The following PTPRG variants were observed in gnomAD, a reference collection of about 807,000 sequenced individuals.
The protein encoded by PTPRG is protein tyrosine phosphatase receptor type G.
Under a neutral mutation model 165.3 loss-of-function variants are expected in PTPRG, and 102 were observed. That is an observed-to-expected ratio of 0.62 (90% CI 0.53 to 0.73). The LOEUF is 0.73. PTPRG is among the 30% of genes least tolerant of loss of function. The pLI is 0.00. For synonymous variants in PTPRG, 675 were observed against 669.5 expected, an observed-to-expected ratio of 1.01 and a Z score of -0.13; for missense variants, 1,866 against 1,861.4, an observed-to-expected ratio of 1.00 and a Z score of -0.05.
intron 2 of PTPRG, among the ~76,000 whole-genome samples, chr3:61,966,383 G>C (rs751590500): frequency 5.3e-5 from 8 of 152,172 alleles, no homozygotes; most frequent in African/African-American, 9.7e-5. Context: ...GATGAGTGGG[G>C]AATGGGGAAT....
At chr3:61,749,355 A>C (rs572589475) in intron 2 of PTPRG, 1 of 352,194 alleles carries the variant, frequency 2.8e-6, no homozygotes, top group South Asian at 2.2e-5. Flanking sequence ...AATGTCTGCT[A>C]AACATTACAA....
At chr3:62,216,167 G>C (rs970192623) in intron 12 of PTPRG, among the ~76,000 whole-genome samples, 1 of 150,646 alleles carries the variant, frequency 6.6e-6, no homozygotes, top group Non-Finnish European at 1.5e-5. Flanking sequence ...GCAGTGAGCC[G>C]AGATCATGCA....
chr3:61,759,924 G>A (rs934255446), intron 2 of PTPRG, among the ~76,000 whole-genome samples: 3 of 151,878 alleles, frequency 2.0e-5, no homozygotes, highest in African/African-American at 4.8e-5. Flanking sequence ...TGCTGGGAGA[G>A]TATCTTAGAA....
At chr3:61,986,666 T>A (rs1297502229) in intron 2 of PTPRG, among the ~76,000 whole-genome samples, 4 of 152,136 alleles carry the variant, frequency 2.6e-5, no homozygotes, top group African/African-American at 9.7e-5. Flanking sequence ...CCTTACCTCT[T>A]CCCTTTTGAG....
At chr3:61,646,633 A>G (rs904834529) in intron 1 of PTPRG, among the ~76,000 whole-genome samples, 7 of 152,244 alleles carry the variant, frequency 4.6e-5, no homozygotes, top group African/African-American at 7.2e-5. Flanking sequence ...TCACCAGTTT[A>G]ACATGCACTT....
chr3:61,995,872 C>T (rs1187036286), intron 3 of PTPRG, among the ~76,000 whole-genome samples: 3 of 151,858 alleles, frequency 2.0e-5, no homozygotes, highest in African/African-American at 7.3e-5. Flanking sequence ...TCTTTGTATT[C>T]TGTTGGACTC....
At chr3:62,196,370 T>G (rs531289390) in intron 10 of PTPRG, among the ~76,000 whole-genome samples, 11 of 152,150 alleles carry the variant, frequency 7.2e-5, no homozygotes, top group African/African-American at 2.4e-4. Flanking sequence ...GCCACTGCAC[T>G]CCAGGCTGGG....
At chr3:61,916,572 A>C (rs2038941244) in intron 2 of PTPRG, among the ~76,000 whole-genome samples, 1 of 152,188 alleles carries the variant, frequency 6.6e-6, no homozygotes, top group Non-Finnish European at 1.5e-5. Flanking sequence ...TTAGATTAAA[A>C]ATGGAGTTTC....
chr3:62,084,236 A>G (rs1464548972), intron 5 of PTPRG, among the ~76,000 whole-genome samples: 1 of 152,210 alleles, frequency 6.6e-6, no homozygotes, highest in Non-Finnish European at 1.5e-5. Context: ...GAAGTAATTG[A>G]ATTGCATCTG....
chr3:61,706,598 A>G (rs2031271702), intron 1 of PTPRG, among the ~76,000 whole-genome samples: 1 of 150,908 alleles, frequency 6.6e-6, no homozygotes, highest in Admixed American at 6.6e-5. Context: ...GGTTCAAGCG[A>G]TTCTCTTGCC....
chr3:61,912,810 AT>A (rs1184763202), intron 2 of PTPRG, among the ~76,000 whole-genome samples: 4 of 152,124 alleles, frequency 2.6e-5, no homozygotes, highest in African/African-American at 9.7e-5. Flanking sequence ...TGATGTGGGT[AT>A]TTTAGTTTAC....
chr3:61,865,874 CTG>C (rs2037391975), intron 2 of PTPRG, among the ~76,000 whole-genome samples: 4 of 152,190 alleles, frequency 2.6e-5, no homozygotes, highest in African/African-American at 9.7e-5. Flanking sequence ...CTAGAAAATG[CTG>C]AGATTCAGCA....
rs566401309 is a variant in PTPRG at position 62,130,054 on chromosome 3, G to A, written c.616-2548G>A. On this transcript the variant is annotated intron_variant, in intron 5 of 29. Coordinates refer to ENST00000474889, the MANE Select transcript of PTPRG (RefSeq NM_002841.4). ...TTTTGCTGTGTACCAAATGATTCCA[G>A]TTAGTTAAAACAGATCGTTTTATGG... Among the ~76,000 whole-genome samples, 82 of 152,304 alleles carry A rather than the reference G, an allele frequency of 5.4e-4. 1 individual carries two copies. Among genetic ancestry groups the A allele is most frequent in the Non-Finnish European group, 1.5e-5 (1 of 68,030 alleles).
intron 2 of PTPRG, among the ~76,000 whole-genome samples, chr3:61,933,832 C>T (rs2039420369): frequency 6.6e-6 from 1 of 152,122 alleles, no homozygotes; most frequent in Non-Finnish European, 1.5e-5. Flanking sequence ...TTTTTTCTTT[C>T]TTTGGCATTT....
chr3:61,812,908 T>C lies in PTPRG; in HGVS notation c.190+63926T>C, dbSNP rs528261939. Among the ~76,000 whole-genome samples the C allele has an allele frequency of 7.9e-5, 12 of 152,388 alleles. No homozygotes were observed. In the South Asian group the frequency reaches 1.0e-3, roughly 13 times the overall value. Reference sequence around the variant, plus strand: ...GTTTAGGATGCTAGGTTCATCTAAATGTGCATAACTACTTTTAGGGTCTTA... The same window carrying C: ...GTTTAGGATGCTAGGTTCATCTAAACGTGCATAACTACTTTTAGGGTCTTA... On this transcript the variant is annotated intron_variant, in intron 2 of 29. Coordinates refer to ENST00000474889, the MANE Select transcript of PTPRG (RefSeq NM_002841.4).
At chr3:61,976,262 AG>A (rs2107670071) in intron 2 of PTPRG, among the ~76,000 whole-genome samples, 1 of 152,352 alleles carries the variant, frequency 6.6e-6, no homozygotes, top group African/African-American at 2.4e-5. Context: ...TTCTATCTTT[AG>A]CCCTGGCCTT....
At chr3:62,192,548 A>ACT (rs1253585831) in intron 9 of PTPRG, among the ~76,000 whole-genome samples, 1 of 151,698 alleles carries the variant, frequency 6.6e-6, no homozygotes, top group Non-Finnish European at 1.5e-5. Flanking sequence ...AGCTGGGACT[A>ACT]CATGCATCCG....
intron 5 of PTPRG, among the ~76,000 whole-genome samples, chr3:62,082,746 T>G (rs989970665): frequency 1.3e-5 from 2 of 152,234 alleles, no homozygotes; most frequent in African/African-American, 4.8e-5. Context: ...CCAGGTCTGC[T>G]GTTGAGCACA....
chr3:61,906,903 C>T (rs2038671798), intron 2 of PTPRG, among the ~76,000 whole-genome samples: 1 of 151,968 alleles, frequency 6.6e-6, no homozygotes, highest in African/African-American at 2.4e-5. Context: ...ACTGTTGCTC[C>T]TGGCTACAAC....
Sources: allele counts gnomAD v4.1 joint callset (sites outside exome capture counted in the v4.1 genomes callset), GRCh38; gene constraint gnomAD v4.1.1; transcripts MANE v1.5; gene names NCBI Gene and HGNC (gene_info 2026-07-23, HGNC 2026-07-21).